Variants in VOPP1 observed in about 807,000 individuals in gnomAD.
The protein encoded by VOPP1 is VOPP1 WW domain binding protein, also known as WW domain binding protein VOPP1.
In VOPP1, 8 loss-of-function variants were observed where a neutral mutation model predicts 23.5. The observed-to-expected ratio is 0.34, with a 90% confidence interval of 0.20 to 0.61. VOPP1 has a LOEUF of 0.61. Ranked by LOEUF, VOPP1 falls within the 20% of genes least tolerant of loss-of-function variation. The probability of loss-of-function intolerance (pLI) is 0.78; values close to 1 mark genes in which losing one functional copy is unlikely to be tolerated. For missense variants in VOPP1, 174 were observed against 238.1 expected, an observed-to-expected ratio of 0.73 and a Z score of 1.77; for synonymous variants, 83 against 97.3, an observed-to-expected ratio of 0.85 and a Z score of 0.86.
In VOPP1 at chr7:55,556,732, A is replaced by ATTTTCTTC. The variant is rs1484192760; in HGVS notation, c.54+15531_54+15538dup. ...ATGTTTCTCAGATTATAGATAACTCATTTTCTTCTTTTTCTTGCTCTGTAC... is the reference window on the plus strand; with the variant it reads ...ATGTTTCTCAGATTATAGATAACTCATTTTCTTCTTTTCTTCTTTTTCTTGCTCTGTAC... On this transcript the variant is annotated intron_variant, in intron 1 of 4. Transcript: ENST00000285279. Among the ~76,000 whole-genome samples the ATTTTCTTC allele has an allele frequency of 2.6e-5, 4 of 151,818 alleles. No individual in the cohort carries two copies. In the East Asian group the frequency reaches 7.8e-4, roughly 29 times the overall value.
At chr7:55,530,512 A>G (rs567986480) in intron 1 of VOPP1, among the ~76,000 whole-genome samples, 1 of 152,296 alleles carries the variant, frequency 6.6e-6, no homozygotes, top group South Asian at 2.1e-4. Flanking sequence ...CGAAGAGGTG[A>G]ATTGACTTGC....
At chr7:55,498,726 T>C (rs893340913) in intron 2 of VOPP1, among the ~76,000 whole-genome samples, 1 of 152,196 alleles carries the variant, frequency 6.6e-6, no homozygotes, top group Admixed American at 6.5e-5. Flanking sequence ...GCCTAAGGTC[T>C]TGGGCACTGA....
At chr7:55,560,683 A>T (rs1797956308) in intron 1 of VOPP1, among the ~76,000 whole-genome samples, 1 of 152,198 alleles carries the variant, frequency 6.6e-6, no homozygotes, top group African/African-American at 2.4e-5. Flanking sequence ...CCAAGTTTGT[A>T]GTCACTTGTT....
intron 4 of VOPP1, among the ~76,000 whole-genome samples, chr7:55,436,655 TGTGC>T (rs1035695444): frequency 2.0e-5 from 3 of 149,372 alleles, no homozygotes; most frequent in Non-Finnish European, 4.5e-5. Flanking sequence ...CGTGGGTGTG[TGTGC>T]GTGTGTGCGT....
At chr7:55,501,592 G>C (rs1233093247) in intron 2 of VOPP1, among the ~76,000 whole-genome samples, 1 of 152,156 alleles carries the variant, frequency 6.6e-6, no homozygotes, top group Non-Finnish European at 1.5e-5. Flanking sequence ...TTAGTCAAAT[G>C]GCTCTTACCA....
At chr7:55,551,566 G>C (rs1222637165) in intron 1 of VOPP1, among the ~76,000 whole-genome samples, 2 of 152,090 alleles carry the variant, frequency 1.3e-5, no homozygotes, top group Non-Finnish European at 2.9e-5. Context: ...TCCATTTCTA[G>C]AAATGGAAAA....
intron 4 of VOPP1, among the ~76,000 whole-genome samples, chr7:55,474,771 T>G (rs1370582110): frequency 6.6e-6 from 1 of 152,164 alleles, no homozygotes; most frequent in Non-Finnish European, 1.5e-5. Context: ...AACATGGGCA[T>G]GTCCAGGAGA....
intron 4 of VOPP1, among the ~76,000 whole-genome samples, chr7:55,489,179 C>G (rs1393439308): frequency 6.6e-6 from 1 of 152,238 alleles, no homozygotes; most frequent in Non-Finnish European, 1.5e-5. Context: ...TGATCCAGCC[C>G]TGGACCTGAC....
chr7:55,567,120 T>C (rs777663066), intron 1 of VOPP1, among the ~76,000 whole-genome samples: 1 of 152,216 alleles, frequency 6.6e-6, no homozygotes, highest in African/African-American at 2.4e-5. Flanking sequence ...CAACTGCCTC[T>C]TCTTTTCCCA....
intron 1 of VOPP1, among the ~76,000 whole-genome samples, chr7:55,527,336 T>C (rs545232794): frequency 1.3e-5 from 2 of 152,298 alleles, no homozygotes; most frequent in South Asian, 4.1e-4. Flanking sequence ...ACAAGCACCA[T>C]TTCTTAGAGG....
intron 1 of VOPP1, among the ~76,000 whole-genome samples, chr7:55,544,924 TAC>T (rs1012184004): frequency 2.6e-5 from 4 of 152,260 alleles, no homozygotes; most frequent in African/African-American, 9.6e-5. Context: ...ATATTTTAAA[TAC>T]ATTTTACTTT....
intron 3 of VOPP1, among the ~76,000 whole-genome samples, chr7:55,495,112 T>C (rs1793861962): frequency 6.6e-6 from 1 of 151,998 alleles, no homozygotes; most frequent in African/African-American, 2.4e-5. Flanking sequence ...GTGCAGCTAC[T>C]GTGCAAGCCC....
At chr7:55,532,812 C>A (rs567327958) in intron 1 of VOPP1, among the ~76,000 whole-genome samples, 1 of 152,302 alleles carries the variant, frequency 6.6e-6, no homozygotes, top group East Asian at 1.9e-4. Context: ...TTCACTACTA[C>A]CAAATTTCAC....
intron 1 of VOPP1, chr7:55,552,878 G>A (rs1797668765): frequency 7.4e-7 from 1 of 1,345,124 alleles, no homozygotes; most frequent in Admixed American, 3.2e-5. Flanking sequence ...TTTCCTCCTA[G>A]ACTAAACTCC....
At chr7:55,541,956 G>A (rs1231839193) in intron 1 of VOPP1, among the ~76,000 whole-genome samples, 1 of 152,164 alleles carries the variant, frequency 6.6e-6, no homozygotes. Context: ...ATTTCTTCTA[G>A]GAGGAACAAA....
chr7:55,527,765 A>C (rs1418627150), intron 1 of VOPP1, among the ~76,000 whole-genome samples: 1 of 152,256 alleles, frequency 6.6e-6, no homozygotes, highest in African/African-American at 2.4e-5. Flanking sequence ...AAAAATTCCA[A>C]CAGGAAAAAT....
At chr7:55,468,202 A>G (rs1199939252), downstream of VOPP1, among the ~76,000 whole-genome samples, 1 of 144,200 alleles carries the variant, frequency 6.9e-6, no homozygotes, top group Non-Finnish European at 1.5e-5. Flanking sequence ...ACCCGGGAGG[A>G]GGAGGTGGAA....
At chr7:55,452,187 T>C (rs1187098228) in intron 4 of VOPP1, among the ~76,000 whole-genome samples, 1 of 152,212 alleles carries the variant, frequency 6.6e-6, no homozygotes, top group Non-Finnish European at 1.5e-5. Flanking sequence ...GTAGATTCCA[T>C]TTCAAGAAAC....
intron 4 of VOPP1, among the ~76,000 whole-genome samples, chr7:55,481,742 C>T (rs976171738): frequency 1.3e-5 from 2 of 152,136 alleles, no homozygotes; most frequent in South Asian, 2.1e-4. Flanking sequence ...GCTGACTCTC[C>T]GGCCCTGTGC....
Sources: allele counts gnomAD v4.1 joint callset (sites outside exome capture counted in the v4.1 genomes callset), GRCh38; gene constraint gnomAD v4.1.1; transcripts MANE v1.5; gene names NCBI Gene and HGNC (gene_info 2026-07-23, HGNC 2026-07-21).